Variants in C10orf143 observed in about 807,000 individuals in gnomAD.
C10orf143 encodes chromosome 10 open reading frame 143.
At chr10:130,098,230 T>C (rs1861493029) in intron 1 of C10orf143, among the ~76,000 whole-genome samples, 2 of 151,822 alleles carry the variant, frequency 1.3e-5, no homozygotes. Context: ...GGCTGAGACA[T>C]GAGAATCACT....
At chr10:130,070,967 G>A (rs1377422018) in intron 3 of C10orf143, among the ~76,000 whole-genome samples, 1 of 152,042 alleles carries the variant, frequency 6.6e-6, no homozygotes, top group Non-Finnish European at 1.5e-5. Context: ...CCAGGCTGGA[G>A]TGCAGTGGTG....
chr10:130,068,788 G>A (rs1291058726), intron 3 of C10orf143, among the ~76,000 whole-genome samples: 1 of 151,562 alleles, frequency 6.6e-6, no homozygotes, highest in Non-Finnish European at 1.5e-5. Context: ...ATCAACAGCA[G>A]ATTTGAGCAA....
At chr10:130,047,429 GC>G (rs1419575580) in intron 3 of C10orf143, among the ~76,000 whole-genome samples, 1 of 152,316 alleles carries the variant, frequency 6.6e-6, no homozygotes, top group South Asian at 2.1e-4. Flanking sequence ...AAGGCACTGA[GC>G]GGGGCTGCGT....
At position 130,106,807 on chromosome 10, in the gene C10orf143, A is replaced by G. The variant is rs768961091; in HGVS notation, c.69+3897T>C. The stretch of plus-strand genomic sequence containing the variant: ...TTGAAGACTCCAAAGTACATGCAGA[A>G]CAAGTTCTAAATGATAAAGAAAATC... On this transcript the variant is annotated intron_variant, in intron 1 of 3. Transcript: ENST00000637128. 3 of 1,191,872 alleles carry G rather than the reference A, an allele frequency of 2.5e-6. No individual in the cohort carries two copies. In the Admixed American group the frequency reaches 5.1e-5, roughly 20 times the overall value. 73.8% of individuals were successfully genotyped at this position (1,191,872 alleles called of 1,614,324 possible). A position where few individuals can be genotyped will look rare whatever the true frequency, so the allele number is the denominator to read the frequency against.
chr10:130,036,698 C>T lies in C10orf143; in HGVS notation c.298-728G>A, dbSNP rs182552530. Among the ~76,000 whole-genome samples the T allele has an allele frequency of 4.2e-3, 639 of 152,274 alleles. 4 individuals are homozygous for T. The highest frequency in any genetic ancestry group is 7.9e-3 in the South Asian group (38 of 4,818). On this transcript the variant is annotated intron_variant and NMD_transcript_variant, in intron 3 of 5. Transcript: ENST00000643056. Reference sequence around the variant, plus strand: ...TGTTCTGACTCACTGTAGAAAGTGTCCAAGGTTCCCAAAATACGGACACAG... The same window carrying T: ...TGTTCTGACTCACTGTAGAAAGTGTTCAAGGTTCCCAAAATACGGACACAG...
At chr10:130,045,548 G>A (rs1488759424) in intron 3 of C10orf143, among the ~76,000 whole-genome samples, 1 of 152,212 alleles carries the variant, frequency 6.6e-6, no homozygotes, top group Non-Finnish European at 1.5e-5. Context: ...CCAAAACCGC[G>A]AGGCGCCCCT....
chr10:130,103,695 A>G (rs1223484693), intron 1 of C10orf143, among the ~76,000 whole-genome samples: 1 of 151,278 alleles, frequency 6.6e-6, no homozygotes, highest in Non-Finnish European at 1.5e-5. Flanking sequence ...CTGTAGTCCC[A>G]GCTACTCAGG....
chr10:130,050,360 A>C (rs1386612619), intron 3 of C10orf143, among the ~76,000 whole-genome samples: 2 of 152,254 alleles, frequency 1.3e-5, no homozygotes. Context: ...ACTTGAGCCC[A>C]GGAGTTCAAG....
At chr10:130,054,751 G>A (rs1860776792) in intron 3 of C10orf143, among the ~76,000 whole-genome samples, 1 of 152,168 alleles carries the variant, frequency 6.6e-6, no homozygotes, top group South Asian at 2.1e-4. Context: ...GCCCTGATGA[G>A]TAGTAACATT....
intron 1 of C10orf143, among the ~76,000 whole-genome samples, chr10:130,102,486 C>A (rs112402128): frequency 0.05 from 7,674 of 152,134 alleles, 651 homozygotes; most frequent in African/African-American, 0.18. Flanking sequence ...GTTAGCCAGG[C>A]TGGCCTCAAA....
At chr10:130,053,412 T>C (rs1388174275) in intron 3 of C10orf143, among the ~76,000 whole-genome samples, 1 of 152,188 alleles carries the variant, frequency 6.6e-6, no homozygotes, top group African/African-American at 2.4e-5. Flanking sequence ...CTTGAAAGAA[T>C]ATAAAAAATA....
chr10:130,037,032 G>A (rs1198020426), intron 3 of C10orf143, among the ~76,000 whole-genome samples: 1 of 152,180 alleles, frequency 6.6e-6, no homozygotes, highest in Non-Finnish European at 1.5e-5. Flanking sequence ...CTCCTCTGAG[G>A]TGCAGATGCA....
intron 1 of C10orf143, among the ~76,000 whole-genome samples, chr10:130,102,779 C>T (rs544310642): frequency 7.6e-4 from 115 of 152,184 alleles, no homozygotes; most frequent in South Asian, 1.5e-3. Flanking sequence ...GATGAATTGA[C>T]TTTTTTAATC....
intron 1 of C10orf143, among the ~76,000 whole-genome samples, chr10:130,093,421 A>T (rs543909768): frequency 6.6e-6 from 1 of 152,354 alleles, no homozygotes; most frequent in Admixed American, 6.5e-5. Context: ...AGCAGTGTTT[A>T]GAGGGAAAGT....
At chr10:130,072,707 C>A (rs1022316396) in intron 3 of C10orf143, among the ~76,000 whole-genome samples, 4 of 152,162 alleles carry the variant, frequency 2.6e-5, no homozygotes, top group African/African-American at 9.7e-5. Context: ...TTGCAGAACA[C>A]TGCAATAAAG....
intron 3 of C10orf143, among the ~76,000 whole-genome samples, chr10:130,076,547 G>A (rs981361982): frequency 6.6e-6 from 1 of 152,152 alleles, no homozygotes; most frequent in Non-Finnish European, 1.5e-5. Context: ...AGAGACCAGA[G>A]ACCACTAGGA....
At chr10:130,087,174 A>T (rs940292615) in intron 1 of C10orf143, among the ~76,000 whole-genome samples, 32 of 152,202 alleles carry the variant, frequency 2.1e-4, no homozygotes, top group Non-Finnish European at 4.1e-4. Context: ...TGATCTATAC[A>T]CTTACTTGGG....
At chr10:130,105,879 T>G (rs1013033985) in intron 1 of C10orf143, among the ~76,000 whole-genome samples, 6 of 152,108 alleles carry the variant, frequency 3.9e-5, no homozygotes, top group Non-Finnish European at 7.4e-5. Context: ...GTGGGCAGAG[T>G]GGGCCTGTGA....
intron 3 of C10orf143, among the ~76,000 whole-genome samples, chr10:130,045,951 G>A (rs1190671366): frequency 6.6e-6 from 1 of 152,116 alleles, no homozygotes; most frequent in South Asian, 2.1e-4. Flanking sequence ...CTCACCTGCC[G>A]GGCGTGAGGT....
Sources: gnomAD v4.1 joint callset for allele counts (sites outside exome capture counted in the v4.1 genomes callset) on GRCh38, gnomAD v4.1.1 for gene constraint, MANE v1.5 for transcripts, NCBI Gene and HGNC (gene_info 2026-07-23, HGNC 2026-07-21) for gene names.